LRTM3: variants seen among roughly 807,000 people sequenced by gnomAD.
The protein encoded by LRTM3 is leucine rich repeat transmembrane protein 3.
chr13:102,732,768 G>T, the LRTM3 span: 261 of 1,551,224 alleles, frequency 1.7e-4, 1 homozygote, highest in Admixed American at 2.7e-4. Flanking sequence ...TCTTGCAGAT[G>T]TAAAGCTCTG....
the LRTM3 span, chr13:102,743,738 T>C: frequency 6.5e-7 from 1 of 1,550,052 alleles, no homozygotes; most frequent in Non-Finnish European, 8.7e-7. Context: ...TTTCTTCCTA[T>C]GTTTTCTGGT....
chr13:102,750,696 A>C, the LRTM3 span, among the ~76,000 whole-genome samples: 2 of 152,168 alleles, frequency 1.3e-5, no homozygotes, highest in Non-Finnish European at 2.9e-5. Flanking sequence ...TTTACAAGGA[A>C]TATCTTTTCT....
chr13:102,736,916 G>T, the LRTM3 span: 1 of 1,551,066 alleles, frequency 6.4e-7, no homozygotes, highest in Admixed American at 2.0e-5. Context: ...TGGAAGAAAA[G>T]ATCTTGTTAC....
chr13:102,733,765 C>T, the LRTM3 span: 23 of 1,551,224 alleles, frequency 1.5e-5, no homozygotes, highest in African/African-American at 5.5e-5. Context: ...CTTCTTCTGA[C>T]CTGACTCGTG....
the LRTM3 span, chr13:102,732,157 G>A: frequency 6.4e-7 from 1 of 1,551,262 alleles, no homozygotes; most frequent in Non-Finnish European, 8.7e-7. Context: ...TTTCACTAGT[G>A]TTTGGTGATT....
chr13:102,733,270 T>C, the LRTM3 span: 1 of 1,551,410 alleles, frequency 6.4e-7, no homozygotes, highest in South Asian at 1.2e-5. Context: ...TTTTTTTGAG[T>C]GATCCCTTTG....
the LRTM3 span, chr13:102,736,676 C>T: frequency 1.3e-6 from 2 of 1,550,668 alleles, no homozygotes; most frequent in Non-Finnish European, 1.7e-6. Context: ...CCCTTGTTGA[C>T]TGATGTTCAC....
chr13:102,746,069 T>C, the LRTM3 span: 1 of 1,551,164 alleles, frequency 6.4e-7, no homozygotes, highest in South Asian at 1.2e-5. Context: ...TTCTGTTTCG[T>C]TGGCTTTTTG....
At chr13:102,742,063 C>G in the LRTM3 span, 9 of 1,550,458 alleles carry the variant, frequency 5.8e-6, no homozygotes, top group South Asian at 9.5e-5. Flanking sequence ...GAATGCATGT[C>G]CTGTCTTTTG....
the LRTM3 span, chr13:102,733,778 G>C: frequency 6.4e-7 from 1 of 1,551,394 alleles, no homozygotes; most frequent in Non-Finnish European, 8.7e-7. Context: ...GACTCGTGAA[G>C]GTTGGTTCCT....
chr13:102,731,266 T>C, the LRTM3 span: 1 of 1,551,282 alleles, frequency 6.4e-7, no homozygotes, highest in Non-Finnish European at 8.7e-7. Context: ...AGTTAGGTTC[T>C]ATGGTATCAG....
the LRTM3 span, chr13:102,738,135 A>G: frequency 9.0e-6 from 14 of 1,550,264 alleles, no homozygotes; most frequent in Middle Eastern, 1.7e-4. Flanking sequence ...TTAGTATTCA[A>G]TGGTAGGTCC....
the LRTM3 span, chr13:102,736,133 C>G: frequency 6.5e-7 from 1 of 1,541,972 alleles, no homozygotes; most frequent in South Asian, 1.2e-5. Context: ...TGCAAGTCTG[C>G]TTTTTCCTGC....
the LRTM3 span, chr13:102,732,039 G>A: frequency 1.3e-6 from 2 of 1,551,302 alleles, no homozygotes; most frequent in East Asian, 2.4e-5. Context: ...ACATTAGGAA[G>A]TTTCTGCATT....
the LRTM3 span, chr13:102,739,205 C>G: frequency 1.3e-6 from 2 of 1,549,918 alleles, no homozygotes; most frequent in Non-Finnish European, 1.7e-6. Flanking sequence ...TTTATTGCTC[C>G]GTTGTGGTTC....
the LRTM3 span, chr13:102,735,600 T>A: frequency 6.4e-7 from 1 of 1,551,176 alleles, no homozygotes; most frequent in Non-Finnish European, 8.7e-7. Flanking sequence ...TGCTTTGCTT[T>A]CAGGTCTGTA....
chr13:102,743,630 G>A, the LRTM3 span: 1 of 1,550,378 alleles, frequency 6.5e-7, no homozygotes, highest in Non-Finnish European at 8.7e-7. Context: ...CAGGAAAGTT[G>A]CAGGTGAGTT....
the LRTM3 span, chr13:102,745,475 G>A: frequency 3.2e-6 from 5 of 1,550,774 alleles, no homozygotes; most frequent in African/African-American, 5.5e-5. Context: ...TTTCATTTTG[G>A]TTGTCAAGTT....
At chr13:102,747,472 T>G in the LRTM3 span, 2 of 1,549,384 alleles carry the variant, frequency 1.3e-6, no homozygotes, top group Non-Finnish European at 1.7e-6. Context: ...CTGATAATTT[T>G]TTTTTAATTT....
Sources: allele counts gnomAD v4.1 joint callset (sites outside exome capture counted in the v4.1 genomes callset), GRCh38; gene constraint gnomAD v4.1.1; transcripts MANE v1.5; gene names NCBI Gene and HGNC (gene_info 2026-07-23, HGNC 2026-07-21).